Variants in TCF12 observed in about 807,000 individuals in gnomAD.
TCF12 encodes DNA-binding protein HTF4.
Under a neutral mutation model 86.0 loss-of-function variants are expected in TCF12, and 45 were observed. The observed-to-expected ratio is 0.52, with a 90% CI of 0.41 to 0.67. TCF12 has a LOEUF of 0.67. Among genes scored for constraint, TCF12 ranks in the 30% least tolerant of loss-of-function variants. The probability of loss-of-function intolerance (pLI) is 0.00; values close to 1 mark genes in which losing one functional copy is unlikely to be tolerated. For missense variants in TCF12, 881 were observed against 859.9 expected, an observed-to-expected ratio of 1.02 and a Z score of -0.31; for synonymous variants, 330 against 299.6, an observed-to-expected ratio of 1.10 and a Z score of -1.05.
At chr15:57,235,309 G>A (rs1332983869) in intron 12 of TCF12, among the ~76,000 whole-genome samples, 1 of 152,152 alleles carries the variant, frequency 6.6e-6, no homozygotes, top group Non-Finnish European at 1.5e-5. Context: ...TGTAAGGTTG[G>A]CATTGTTATC....
intron 3 of TCF12, among the ~76,000 whole-genome samples, chr15:56,984,014 A>AAAAAAAAAAAAAAAAAAAAAGAAG (rs777234282): frequency 1.1e-4 from 11 of 104,448 alleles, no homozygotes; most frequent in South Asian, 3.4e-4. Flanking sequence ...AAAAAAAAAA[A>AAAAAAAAAAAAAAAAAAAAAGAAG]AAGAAGAAGA....
chr15:57,225,360 C>A (rs2151893051), intron 8 of TCF12, among the ~76,000 whole-genome samples: 1 of 151,182 alleles, frequency 6.6e-6, no homozygotes, highest in South Asian at 2.1e-4. Context: ...CTGCCTCAGC[C>A]TCCTGACTAG....
intron 5 of TCF12, among the ~76,000 whole-genome samples, chr15:57,148,434 G>C (rs1024219977): frequency 2.7e-5 from 4 of 150,048 alleles, no homozygotes; most frequent in South Asian, 2.1e-4. Flanking sequence ...AAATTGTCTA[G>C]TTTCCCTCAC....
chr15:57,170,729 T>TAA (rs1179903508), intron 6 of TCF12, among the ~76,000 whole-genome samples: 25 of 1,796 alleles, frequency 0.014, no homozygotes, highest in South Asian at 0.047. Flanking sequence ...ATATTATATA[T>TAA]TATATATAAT....
intron 12 of TCF12, among the ~76,000 whole-genome samples, chr15:57,237,138 A>C (rs1260843941): frequency 8.2e-6 from 1 of 121,920 alleles, no homozygotes; most frequent in African/African-American, 3.0e-5. Context: ...AGGGAAAAAG[A>C]GAGAGAGAGA....
At chr15:57,276,263 T>C (rs1351894494) in intron 19 of TCF12, among the ~76,000 whole-genome samples, 1 of 152,230 alleles carries the variant, frequency 6.6e-6, no homozygotes, top group Non-Finnish European at 1.5e-5. Flanking sequence ...AGCTTTTCTT[T>C]CCTCAAACAT....
chr15:56,955,547 A>G lies in TCF12; in HGVS notation c.148+34449A>G, dbSNP rs1238903235. 2.6e-5 allele frequency among the ~76,000 whole-genome samples: 4 copies of G among 152,106 alleles called. No homozygotes were observed. The East Asian group carries it at 7.7e-4, about 29-fold the overall frequency. ...GCACATGTACCCTAGAACCTAAAGT[A>G]TAATAAAAATAAATAAATAAAAATA... is the stretch of plus-strand genomic sequence containing the variant. On this transcript the variant is annotated intron_variant, in intron 3 of 20. Transcript: ENST00000333725.
intron 3 of TCF12, among the ~76,000 whole-genome samples, chr15:56,945,271 GTCT>G (rs1447884121): frequency 6.6e-6 from 1 of 152,022 alleles, no homozygotes; most frequent in Non-Finnish European, 1.5e-5. Context: ...TGGAAATTGT[GTCT>G]TTTTGCTTTT....
chr15:57,122,797 A>C (rs2051332394), intron 5 of TCF12, among the ~76,000 whole-genome samples: 1 of 152,226 alleles, frequency 6.6e-6, no homozygotes. Context: ...ATCTCTTACA[A>C]ACTGGTCATA....
intron 3 of TCF12, among the ~76,000 whole-genome samples, chr15:57,039,076 T>C (rs1360903299): frequency 6.6e-6 from 1 of 152,174 alleles, no homozygotes; most frequent in Non-Finnish European, 1.5e-5. Context: ...CCAGACTGCT[T>C]GGTGTATCTC....
intron 4 of TCF12, among the ~76,000 whole-genome samples, chr15:57,064,495 T>G (rs866983849): frequency 9.2e-5 from 14 of 151,786 alleles, no homozygotes; most frequent in Admixed American, 8.5e-4. Context: ...ACTGACGAGG[T>G]TAAGAGATAC....
chr15:57,266,589 A>G (rs1221271761), intron 18 of TCF12, among the ~76,000 whole-genome samples: 1 of 152,226 alleles, frequency 6.6e-6, no homozygotes, highest in Non-Finnish European at 1.5e-5. Context: ...AAGTATGAAA[A>G]AGGAAATATT....
chr15:57,000,457 GAA>G (rs1489170281), intron 3 of TCF12, among the ~76,000 whole-genome samples: 2 of 152,046 alleles, frequency 1.3e-5, no homozygotes, highest in African/African-American at 4.8e-5. Context: ...AAATGAAAAT[GAA>G]AAGTTTATCA....
intron 3 of TCF12, among the ~76,000 whole-genome samples, chr15:56,960,819 C>G (rs1276380359): frequency 6.6e-6 from 1 of 152,030 alleles, no homozygotes; most frequent in African/African-American, 2.4e-5. Context: ...TATTTGGATT[C>G]TCAACCTTGA....
intron 8 of TCF12, among the ~76,000 whole-genome samples, chr15:57,223,627 C>A (rs1342857913): frequency 8.3e-6 from 1 of 120,352 alleles, no homozygotes; most frequent in East Asian, 2.6e-4. Context: ...GGTTTTGGCA[C>A]CTGCCTACCA....
chr15:56,941,577 G>T (rs547307680), intron 3 of TCF12, among the ~76,000 whole-genome samples: 1 of 151,764 alleles, frequency 6.6e-6, no homozygotes, highest in African/African-American at 2.4e-5. Context: ...GTTTCATTAT[G>T]TTGGCCAGGC....
At chr15:56,977,063 G>T (rs1458469965) in intron 3 of TCF12, among the ~76,000 whole-genome samples, 1 of 152,094 alleles carries the variant, frequency 6.6e-6, no homozygotes, top group Non-Finnish European at 1.5e-5. Flanking sequence ...TTTGCAGAAG[G>T]TTATATTGAG....
At chr15:57,097,018 G>T (rs1046470900) in intron 5 of TCF12, among the ~76,000 whole-genome samples, 5 of 152,096 alleles carry the variant, frequency 3.3e-5, no homozygotes, top group African/African-American at 9.7e-5. Context: ...CCATTTCATT[G>T]TAGATTGCAT....
At chr15:57,234,173 T>G (rs2059287143) in intron 12 of TCF12, 66 bp downstream of exon 12, 1 of 1,243,082 alleles carries the variant, frequency 8.0e-7, no homozygotes, top group Admixed American at 1.7e-5. Flanking sequence ...GATTAGATTT[T>G]GTAGGTGATA....
Sources: allele counts gnomAD v4.1 joint callset (sites outside exome capture counted in the v4.1 genomes callset), GRCh38; gene constraint gnomAD v4.1.1; transcripts MANE v1.5; gene names NCBI Gene and HGNC (gene_info 2026-07-23, HGNC 2026-07-21).